DRD3: variants seen among roughly 807,000 people sequenced by gnomAD.
The protein encoded by DRD3 is dopamine receptor D3.
A neutral mutation model predicts 36.3 loss-of-function variants in DRD3; 19 were observed. The observed-to-expected ratio is 0.52, with a 90% confidence interval of 0.36 to 0.77. DRD3 has a LOEUF of 0.77. Ranked by LOEUF, DRD3 falls within the 30% of genes least tolerant of loss-of-function variation. The pLI is 0.00. For synonymous variants in DRD3, 195 were observed against 203.7 expected (o/e 0.96, Z 0.36); for missense variants, 465 against 505.3 (o/e 0.92, Z 0.77).
chr3:114,177,094 T>C (rs2077907316), intron 1 of DRD3, among the ~76,000 whole-genome samples: 1 of 152,142 alleles, frequency 6.6e-6, no homozygotes, highest in East Asian at 1.9e-4. Context: ...AAATGTGAAA[T>C]GGGTACTAAT....
intron 2 of DRD3, among the ~76,000 whole-genome samples, chr3:114,162,869 A>C (rs2107870387): frequency 6.6e-6 from 1 of 152,338 alleles, no homozygotes; most frequent in East Asian, 1.9e-4. Flanking sequence ...AGACCATATC[A>C]TCTCCTTTCT....
chr3:114,135,691 GTTGT>G (rs1207038235), intron 5 of DRD3, among the ~76,000 whole-genome samples: 1 of 151,118 alleles, frequency 6.6e-6, no homozygotes, highest in African/African-American at 2.4e-5. Context: ...TTTTTTTGTT[GTTGT>G]TTGTTTGTTT....
intron 1 of DRD3, among the ~76,000 whole-genome samples, chr3:114,176,875 A>G (rs891708377): frequency 7.2e-5 from 11 of 151,892 alleles, no homozygotes; most frequent in African/African-American, 2.4e-4. Context: ...TCATCATTCA[A>G]CCTCACAACA....
chr3:114,186,494 C>A (rs1439843237), intron 1 of DRD3, among the ~76,000 whole-genome samples: 1 of 152,170 alleles, frequency 6.6e-6, no homozygotes, highest in Non-Finnish European at 1.5e-5. Flanking sequence ...GGTGCAACAA[C>A]CGTGGTAGCA....
At chr3:114,197,358 C>T (rs1414098220) in intron 1 of DRD3, among the ~76,000 whole-genome samples, 2 of 131,152 alleles carry the variant, frequency 1.5e-5, no homozygotes, top group Admixed American at 9.4e-5. Context: ...TGGCCTCAAA[C>T]AATCTCCCCA....
rs375820318 is a variant in DRD3 at position 114,147,515 on chromosome 3, C to T, written c.426G>A (p.Thr142=). The T allele has an allele frequency of 2.5e-5, 40 of 1,613,938 alleles. No individual in the cohort carries two copies. The highest frequency in any genetic ancestry group is 1.6e-4 in the Middle Eastern group (1 of 6,084). Residue 142 remains threonine (T), a synonymous_variant, in exon 4 of 7, where the codon ACG becomes ACA. Coordinates refer to ENST00000383673, the MANE Select transcript of DRD3 (RefSeq NM_000796.6). ...VVMPVHYQHG[T]GQSSCRRVAL... ...CCACGCGCCGACAGGAGCTCTGTCC[C>T]GTGCCATGCTGGTAGTGAACGGGCA... is the stretch of plus-strand genomic sequence containing the variant.
At chr3:114,166,074 C>T (rs2077781188) in intron 2 of DRD3, among the ~76,000 whole-genome samples, 1 of 151,142 alleles carries the variant, frequency 6.6e-6, no homozygotes, top group African/African-American at 2.4e-5. Context: ...CAACCTCTGC[C>T]TCCCGGGTTC....
intron 1 of DRD3, among the ~76,000 whole-genome samples, chr3:114,193,843 A>C (rs2078023926): frequency 6.6e-6 from 1 of 152,240 alleles, no homozygotes; most frequent in Non-Finnish European, 1.5e-5. Flanking sequence ...ATACATGAGC[A>C]CACACATATA....
At chr3:114,154,961 G>A (rs1053010392) in intron 3 of DRD3, among the ~76,000 whole-genome samples, 1 of 152,176 alleles carries the variant, frequency 6.6e-6, no homozygotes, top group South Asian at 2.1e-4. Flanking sequence ...TTTTAAAAAC[G>A]AAATGGCAGC....
At chr3:114,184,082 T>G (rs2077962191) in intron 1 of DRD3, among the ~76,000 whole-genome samples, 2 of 152,188 alleles carry the variant, frequency 1.3e-5, no homozygotes, top group Non-Finnish European at 2.9e-5. Flanking sequence ...AGTTGATGTT[T>G]TGTGGTGAAA....
Position 114,139,661 on chromosome 3 carries a change from A to C in DRD3, c.562T>G (p.Phe188Val). The C allele has an allele frequency of 6.2e-7, 1 of 1,614,126 alleles. No homozygotes were observed. The highest frequency in any genetic ancestry group is 8.5e-7 in the Non-Finnish European group (1 of 1,180,012). Reference protein sequence around the residue: ...PTVCSISNPDFVIYSSVVSFY... With the variant: ...PTVCSISNPDVVIYSSVVSFY... Reference sequence around the variant, plus strand: ...GACACCACTGAAGAGTAGATGACAAAATCAGGGTTGGAGATGGAGCAGACA... The same window carrying C: ...GACACCACTGAAGAGTAGATGACAACATCAGGGTTGGAGATGGAGCAGACA... The change falls in exon 5 of 7, where the codon TTT becomes GTT. Residue 188 changes from phenylalanine to valine, a missense_variant. Physicochemically the swap from Phe to Val is conservative, Grantham distance 50. Coordinates refer to ENST00000383673, the MANE Select transcript of DRD3 (RefSeq NM_000796.6).
At chr3:114,170,558 C>T (rs955318202) in intron 2 of DRD3, among the ~76,000 whole-genome samples, 36 of 152,278 alleles carry the variant, frequency 2.4e-4, no homozygotes, top group Admixed American at 1.3e-3. Context: ...TCTACACAGC[C>T]TAGTTGTTTT....
chr3:114,174,163 C>T (rs184195511), intron 1 of DRD3, among the ~76,000 whole-genome samples: 19 of 152,170 alleles, frequency 1.2e-4, no homozygotes, highest in Middle Eastern at 3.4e-3. Context: ...GGAGGGCAGC[C>T]GCTACCCTGG....
Position 114,192,961 on chromosome 3 carries a change from A to T in DRD3, c.-156+6312T>A, listed in dbSNP as rs200320094. On this transcript the variant is annotated intron_variant, in intron 1 of 7. Coordinates refer to the DRD3 transcript ENST00000460779. ...TTTCCTATAGGTAGATTGGAAATTT[A>T]AAAAAAAGCGACAAAACAAAACAAA... Among the ~76,000 whole-genome samples the T allele has an allele frequency of 1.2e-3, 183 of 152,094 alleles. 5 individuals carry two copies. In the South Asian group the frequency reaches 0.022, roughly 19 times the overall value.
upstream of DRD3, chr3:114,179,081 G>A (rs575294415): frequency 6.6e-6 from 1 of 152,250 alleles, no homozygotes; most frequent in South Asian, 2.1e-4. Flanking sequence ...TTTAGTACAT[G>A]TATATTTTCT....
At chr3:114,159,646 C>G in intron 3 of DRD3, 109 bp downstream of exon 3, 2 of 777,310 alleles carry the variant, frequency 2.6e-6, no homozygotes, top group East Asian at 5.1e-5. Flanking sequence ...AGAAAATGTT[C>G]CAGTGTCAAG....
chr3:114,172,092 A>AT (rs945044974), intron 1 of DRD3, 65 bp from the exon 2 acceptor site: 37 of 1,230,786 alleles, frequency 3.0e-5, no homozygotes, highest in Admixed American at 7.8e-5. Flanking sequence ...GCTTAGTTAC[A>AT]TTTTTTTATT....
intron 3 of DRD3, among the ~76,000 whole-genome samples, chr3:114,156,749 TTCTTTC>T (rs1559990917): frequency 6.0e-5 from 6 of 100,060 alleles, no homozygotes; most frequent in African/African-American, 2.4e-4. Context: ...TTCTTTTTCT[TTCTTTC>T]TTTCTTTCTT....
chr3:114,183,971 CT>C (rs1184223994), upstream of DRD3, among the ~76,000 whole-genome samples: 1 of 152,084 alleles, frequency 6.6e-6, no homozygotes, highest in Non-Finnish European at 1.5e-5. Flanking sequence ...AAAGAAATTA[CT>C]GATAAAGAAG....
Sources: gnomAD v4.1 joint callset for allele counts (sites outside exome capture counted in the v4.1 genomes callset) on GRCh38, gnomAD v4.1.1 for gene constraint, MANE v1.5 for transcripts, NCBI Gene and HGNC (gene_info 2026-07-23, HGNC 2026-07-21) for gene names.